Variants in RABL3 observed in about 807,000 individuals in gnomAD.
RABL3 encodes the protein RAB, member of RAS oncogene family like 3, also known as rab-like protein 3.
In RABL3, 31 loss-of-function variants were observed where a neutral mutation model predicts 31.8. The ratio of observed to expected loss-of-function variants is 0.97; its 90% CI spans 0.73 to 1.31. The LOEUF is 1.31. Ranked by LOEUF, RABL3 falls within the 40% of genes most tolerant of loss-of-function variation. The pLI is 0.00. For missense variants in RABL3, 263 were observed against 279.6 expected (o/e 0.94, Z 0.42); for synonymous variants, 97 against 99.9 (o/e 0.97, Z 0.18).
At chr3:120,724,484 C>T (rs1440559230) in intron 2 of RABL3, among the ~76,000 whole-genome samples, 1 of 152,218 alleles carries the variant, frequency 6.6e-6, no homozygotes, top group East Asian at 1.9e-4. Flanking sequence ...AAAGAGCCCA[C>T]ATTGCCAAGT....
intron 2 of RABL3, among the ~76,000 whole-genome samples, chr3:120,718,077 A>G (rs1386910441): frequency 6.6e-6 from 1 of 152,058 alleles, no homozygotes; most frequent in Non-Finnish European, 1.5e-5. Flanking sequence ...TCCTCTACCC[A>G]TCATTAAACT....
chr3:120,695,607 A>C (rs976803647), intron 5 of RABL3, among the ~76,000 whole-genome samples: 4 of 152,190 alleles, frequency 2.6e-5, no homozygotes, highest in African/African-American at 9.6e-5. Context: ...ACTTACCACA[A>C]TAAAGATAAT....
At chr3:120,705,264 C>A (rs1708535781) in intron 4 of RABL3, among the ~76,000 whole-genome samples, 1 of 152,024 alleles carries the variant, frequency 6.6e-6, no homozygotes, top group Non-Finnish European at 1.5e-5. Flanking sequence ...CAATGCAATT[C>A]TAATAAAAAT....
rs903050028 is a variant in RABL3 at position 120,742,377 on chromosome 3, G to A, written c.46+85C>T. 47 of 1,291,680 alleles carry A rather than the reference G, an allele frequency of 3.6e-5. No individual in the cohort carries two copies. The African/African-American group carries it at 6.3e-4, about 17-fold the overall frequency. The allele number at this position is 1,291,680 out of a possible 1,614,324, so 80.0% of individuals were successfully genotyped here. On this transcript the variant is annotated intron_variant, in intron 1 of 7. Transcript: ENST00000273375. Reference sequence around the variant, plus strand: ...ACTTCAGCCACGGGCCGAGGAGCCAGGAAGTTGAGGGAAGGAAGCTAAGGG... The same window carrying A: ...ACTTCAGCCACGGGCCGAGGAGCCAAGAAGTTGAGGGAAGGAAGCTAAGGG...
At chr3:120,733,323 G>C (rs779866583) in intron 1 of RABL3, among the ~76,000 whole-genome samples, 10 of 152,148 alleles carry the variant, frequency 6.6e-5, no homozygotes, top group Non-Finnish European at 1.0e-4. Flanking sequence ...GTGATGATGA[G>C]CATTTTTTCA....
At chr3:120,717,116 C>A (rs140679968) in intron 2 of RABL3, among the ~76,000 whole-genome samples, 2 of 151,854 alleles carry the variant, frequency 1.3e-5, no homozygotes, top group East Asian at 3.9e-4. Context: ...TTTAGCCAGG[C>A]GTGGTGGTGG....
chr3:120,736,867 C>G (rs937431604), intron 1 of RABL3, among the ~76,000 whole-genome samples: 1 of 152,218 alleles, frequency 6.6e-6, no homozygotes, highest in Non-Finnish European at 1.5e-5. Context: ...GGTCCTCACT[C>G]TCTTCTGGTT....
chr3:120,727,704 T>A (rs1481361069), intron 2 of RABL3, among the ~76,000 whole-genome samples: 1 of 145,402 alleles, frequency 6.9e-6, no homozygotes, highest in Non-Finnish European at 1.6e-5. Context: ...AAGAAAAATA[T>A]TAGCAAATTA....
intron 4 of RABL3, among the ~76,000 whole-genome samples, chr3:120,704,668 T>C (rs1273559923): frequency 1.3e-5 from 2 of 152,204 alleles, no homozygotes; most frequent in African/African-American, 2.4e-5. Flanking sequence ...TAAAAAACTC[T>C]GGTCACAAGA....
intron 2 of RABL3, among the ~76,000 whole-genome samples, chr3:120,726,145 T>C (rs1576344760): frequency 6.6e-6 from 1 of 152,148 alleles, no homozygotes; most frequent in African/African-American, 2.4e-5. Flanking sequence ...AAAGTTTTTC[T>C]GTCTCATAGA....
chr3:120,691,134 T>C (rs1429724590), intron 6 of RABL3, among the ~76,000 whole-genome samples: 1 of 152,180 alleles, frequency 6.6e-6, no homozygotes, highest in Non-Finnish European at 1.5e-5. Context: ...TCCATCACCA[T>C]TATTGAAAAG....
intron 3 of RABL3, among the ~76,000 whole-genome samples, chr3:120,707,186 C>T (rs1189307531): frequency 6.6e-6 from 1 of 152,128 alleles, no homozygotes. Flanking sequence ...TTATAGCCAT[C>T]TGTGTAACTA....
chr3:120,694,311 G>A (rs7612975), intron 5 of RABL3, 87 bp from the exon 6 acceptor site: 806,959 of 840,296 alleles, frequency 0.96, 387,869 homozygotes, highest in East Asian at 0.98. Context: ...GCATATTTCT[G>A]TAGGCATAAT....
intron 4 of RABL3, among the ~76,000 whole-genome samples, chr3:120,699,032 G>T (rs1708467879): frequency 6.6e-6 from 1 of 152,184 alleles, no homozygotes. Context: ...AAAATGGCAA[G>T]CTTCTTGGGT....
intron 1 of RABL3, among the ~76,000 whole-genome samples, chr3:120,737,331 G>T (rs1037541731): frequency 2.0e-5 from 3 of 152,150 alleles, no homozygotes; most frequent in African/African-American, 7.2e-5. Context: ...ACTGAAGCTT[G>T]TGCATCATCA....
intron 2 of RABL3, among the ~76,000 whole-genome samples, chr3:120,714,214 T>C: frequency 6.6e-6 from 1 of 152,198 alleles, no homozygotes; most frequent in Non-Finnish European, 1.5e-5. Context: ...TGGTTTAGTA[T>C]TTGTACCTGC....
rs997296076 is a variant in RABL3 at position 120,688,293 on chromosome 3, T to A, written c.*1530A>T. ...TATGCAACAACATACTTGTGACCAA[T>A]TCTACATACAGATCATGATTTGCAT... On this transcript the variant is annotated 3_prime_UTR_variant, in exon 8 of 8. Transcript: ENST00000273375. 1 of 152,630 alleles carries A rather than the reference T, an allele frequency of 6.6e-6. No homozygotes were observed. Among genetic ancestry groups the A allele is most frequent in the African/African-American group, 2.4e-5 (1 of 41,438 alleles). The allele number at this position is 152,630 out of a possible 1,614,324, so 9.5% of individuals were successfully genotyped here. A position where few individuals can be genotyped will look rare whatever the true frequency, so the allele number is the denominator to read the frequency against.
At chr3:120,724,033 A>T (rs1434561148) in intron 2 of RABL3, among the ~76,000 whole-genome samples, 3 of 152,216 alleles carry the variant, frequency 2.0e-5, no homozygotes, top group East Asian at 3.8e-4. Context: ...ATGACATGAT[A>T]GTATATCCAG....
At chr3:120,738,189 T>G (rs564814518) in intron 1 of RABL3, among the ~76,000 whole-genome samples, 72 of 152,244 alleles carry the variant, frequency 4.7e-4, no homozygotes, top group Non-Finnish European at 1.3e-4. Flanking sequence ...GTTTACTTAC[T>G]CAAGCTTCAT....
Sources: gnomAD v4.1 joint callset for allele counts (sites outside exome capture counted in the v4.1 genomes callset) on GRCh38, gnomAD v4.1.1 for gene constraint, MANE v1.5 for transcripts, NCBI Gene and HGNC (gene_info 2026-07-23, HGNC 2026-07-21) for gene names.